The following GLRX3 variants were observed in gnomAD, a reference collection of about 807,000 sequenced individuals.
GLRX3 encodes the protein glutaredoxin 3.
Under a neutral mutation model 49.5 loss-of-function variants are expected in GLRX3, and 22 were observed. The observed-to-expected ratio is 0.44, with a 90% CI of 0.32 to 0.63. The LOEUF (loss-of-function observed/expected upper bound fraction) is 0.63. Among genes scored for constraint, GLRX3 ranks in the 30% least tolerant of loss-of-function variants. The pLI, the probability that GLRX3 is intolerant of heterozygous loss-of-function variation, is 0.05. For missense variants in GLRX3, 385 were observed against 396.3 expected, an observed-to-expected ratio of 0.97 and a Z score of 0.24; for synonymous variants, 133 against 140.0, an observed-to-expected ratio of 0.95 and a Z score of 0.35.
At chr10:130,179,962 T>C (rs1433079502), downstream of GLRX3, among the ~76,000 whole-genome samples, 2 of 152,200 alleles carry the variant, frequency 1.3e-5, no homozygotes, top group East Asian at 1.9e-4. Flanking sequence ...TAGTGAATTA[T>C]CAAGAAACAT....
At chr10:130,172,325 A>G (rs1423066009) in intron 8 of GLRX3, among the ~76,000 whole-genome samples, 1 of 152,216 alleles carries the variant, frequency 6.6e-6, no homozygotes, top group African/African-American at 2.4e-5. Flanking sequence ...ATTAAGGTCC[A>G]TTACCTGGAT....
chr10:130,176,790 C>G (rs1247306171), intron 10 of GLRX3, among the ~76,000 whole-genome samples: 1 of 135,586 alleles, frequency 7.4e-6, no homozygotes, highest in Non-Finnish European at 1.6e-5. Context: ...CTCTCTCTCT[C>G]TCTATATATA....
In GLRX3 at chr10:130,145,297, T is replaced by C; in HGVS notation, c.179T>C (p.Leu60Pro). The change falls in exon 2 of 11, where the codon CTC (leucine) becomes CCC (proline). Residue 60 changes from leucine to proline, a missense_variant. Coordinates refer to ENST00000331244, the MANE Select transcript of GLRX3 (RefSeq NM_006541.5). ...NEVMAELAKE[L>P]PQVSFVKLEA... ...GTTATGGCAGAGTTAGCTAAAGAACTCCCTCAAGTTTCATTTGTGAAGGTA... is the reference window on the plus strand; with the variant it reads ...GTTATGGCAGAGTTAGCTAAAGAACCCCCTCAAGTTTCATTTGTGAAGGTA... 1 of 1,464,992 alleles carries C rather than the reference T, an allele frequency of 6.8e-7. No individual in the cohort carries two copies. The highest frequency in any genetic ancestry group is 9.6e-7 in the Non-Finnish European group (1 of 1,044,298). The allele number at this position is 1,464,992 out of a possible 1,614,324, so 90.7% of individuals were successfully genotyped here. A position where few individuals can be genotyped will look rare whatever the true frequency, so the allele number is the denominator to read the frequency against.
intron 2 of GLRX3, among the ~76,000 whole-genome samples, chr10:130,149,732 C>G (rs1210748032): frequency 6.7e-6 from 1 of 150,058 alleles, no homozygotes; most frequent in Non-Finnish European, 1.5e-5. Context: ...ATTTGAGATC[C>G]AAATCAACTA....
chr10:130,163,944 C>T (rs374384093), intron 4 of GLRX3, among the ~76,000 whole-genome samples: 31 of 152,210 alleles, frequency 2.0e-4, no homozygotes, highest in Non-Finnish European at 3.1e-4. Flanking sequence ...ACTCCCACTG[C>T]GGAGTATTTT....
intron 4 of GLRX3, among the ~76,000 whole-genome samples, chr10:130,163,003 T>G (rs1862605904): frequency 6.6e-6 from 1 of 152,234 alleles, no homozygotes; most frequent in Non-Finnish European, 1.5e-5. Context: ...ACCTTTTACT[T>G]TATTAAACTG....
chr10:130,153,381 C>T (rs1862416858), intron 2 of GLRX3, among the ~76,000 whole-genome samples: 1 of 152,188 alleles, frequency 6.6e-6, no homozygotes, highest in Non-Finnish European at 1.5e-5. Context: ...AAGAGACGTT[C>T]TGGTTTTTGG....
chr10:130,152,932 G>C (rs552061746), intron 2 of GLRX3, among the ~76,000 whole-genome samples: 28 of 152,200 alleles, frequency 1.8e-4, no homozygotes, highest in African/African-American at 6.7e-4. Flanking sequence ...TCACTTTCAG[G>C]TACACCAATC....
intron 1 of GLRX3, among the ~76,000 whole-genome samples, chr10:130,143,165 A>G (rs982446632): frequency 7.9e-5 from 12 of 152,104 alleles, no homozygotes; most frequent in Non-Finnish European, 1.6e-4. Context: ...CTTATCTGTC[A>G]CCAAATCCTG....
At chr10:130,162,695 C>T (rs1862598359) in intron 4 of GLRX3, among the ~76,000 whole-genome samples, 1 of 152,160 alleles carries the variant, frequency 6.6e-6, no homozygotes, top group Admixed American at 6.5e-5. Flanking sequence ...GAATGATAAA[C>T]CTAATGAAAA....
At chr10:130,146,082 C>T (rs4750792) in intron 2 of GLRX3, among the ~76,000 whole-genome samples, 44,812 of 151,868 alleles carry the variant, frequency 0.3, 6,941 homozygotes, top group African/African-American at 0.37. Flanking sequence ...TGAGCCACCA[C>T]GCCTGGCCAA....
At chr10:130,159,121 A>G (rs1223832657) in intron 2 of GLRX3, among the ~76,000 whole-genome samples, 2 of 152,176 alleles carry the variant, frequency 1.3e-5, no homozygotes, top group African/African-American at 4.8e-5. Flanking sequence ...TTTATCAATA[A>G]ATTTTATTTC....
intron 2 of GLRX3, among the ~76,000 whole-genome samples, chr10:130,152,081 T>C (rs1320441577): frequency 6.6e-6 from 1 of 152,022 alleles, no homozygotes; most frequent in Admixed American, 6.6e-5. Context: ...AGTGCAGTGA[T>C]GCGATCGGTT....
At chr10:130,174,936 G>C (rs995947630) in intron 9 of GLRX3, 30 bp downstream of exon 9, 17 of 1,583,118 alleles carry the variant, frequency 1.1e-5, no homozygotes, top group Non-Finnish European at 1.4e-5. Context: ...TTTCACCCTT[G>C]TCTTAGCTTT....
intron 8 of GLRX3, among the ~76,000 whole-genome samples, chr10:130,173,518 A>G (rs1460150687): frequency 6.6e-6 from 1 of 152,206 alleles, no homozygotes; most frequent in Non-Finnish European, 1.5e-5. Context: ...CAAAATACAC[A>G]TGCATGAGTG....
intron 2 of GLRX3, among the ~76,000 whole-genome samples, chr10:130,155,607 C>T (rs926792957): frequency 6.6e-6 from 1 of 152,066 alleles, no homozygotes; most frequent in Non-Finnish European, 1.5e-5. Context: ...GATAGAGATG[C>T]CTTGTGGGAG....
chr10:130,157,891 T>G (rs1862507039), intron 2 of GLRX3, among the ~76,000 whole-genome samples: 1 of 152,172 alleles, frequency 6.6e-6, no homozygotes, highest in South Asian at 2.1e-4. Context: ...ATTTTCTATT[T>G]TCATTGTTAA....
intron 1 of GLRX3, among the ~76,000 whole-genome samples, chr10:130,144,486 A>G (rs1862234850): frequency 6.7e-6 from 1 of 148,874 alleles, no homozygotes; most frequent in Non-Finnish European, 1.5e-5. Context: ...AGGCCCTGGT[A>G]TGTGATGTTC....
chr10:130,172,753 C>T (rs1295152395), intron 8 of GLRX3, among the ~76,000 whole-genome samples: 3 of 152,056 alleles, frequency 2.0e-5, no homozygotes, highest in Non-Finnish European at 2.9e-5. Context: ...ACCAGCTTGG[C>T]GAACATGGTG....
Sources: gnomAD v4.1 joint callset for allele counts (sites outside exome capture counted in the v4.1 genomes callset) on GRCh38, gnomAD v4.1.1 for gene constraint, MANE v1.5 for transcripts, NCBI Gene and HGNC (gene_info 2026-07-23, HGNC 2026-07-21) for gene names.